The following CPD variants were observed in gnomAD, a reference collection of about 807,000 sequenced individuals.
CPD encodes the protein metallocarboxypeptidase D.
A neutral mutation model predicts 138.3 loss-of-function variants in CPD; 69 were observed. The observed-to-expected ratio is 0.50, with a 90% CI of 0.41 to 0.61. The LOEUF (loss-of-function observed/expected upper bound fraction) is 0.61, where lower values mean the gene tolerates loss of function less well. Ranked by LOEUF, CPD falls within the 20% of genes least tolerant of loss-of-function variation. The pLI, the probability that CPD is intolerant of heterozygous loss-of-function variation, is 0.00. For synonymous variants in CPD, 651 were observed against 642.1 expected, an observed-to-expected ratio of 1.01 and a Z score of -0.21; for missense variants, 1,432 against 1,733.3, an observed-to-expected ratio of 0.83 and a Z score of 3.09.
intron 11 of CPD, 137 bp downstream of exon 11, chr17:30,444,108 A>C (rs1406877996): frequency 2.7e-6 from 2 of 729,268 alleles, no homozygotes; most frequent in Non-Finnish European, 4.3e-6. Context: ...GGCTGGTTAT[A>C]CCTTTGACTC....
intron 17 of CPD, among the ~76,000 whole-genome samples, chr17:30,460,539 G>T (rs562870344): frequency 2.9e-4 from 44 of 152,284 alleles, no homozygotes; most frequent in Admixed American, 2.5e-3. Flanking sequence ...AGGTAGAATT[G>T]ACAAGATTCA....
chr17:30,406,012 A>G (rs2143368056), intron 2 of CPD, among the ~76,000 whole-genome samples: 1 of 152,102 alleles, frequency 6.6e-6, no homozygotes, highest in African/African-American at 2.4e-5. Context: ...CATCCTATAC[A>G]TTTTGTGATT....
At chr17:30,412,889 C>T (rs1361280679) in intron 2 of CPD, among the ~76,000 whole-genome samples, 1 of 152,242 alleles carries the variant, frequency 6.6e-6, no homozygotes, top group African/African-American at 2.4e-5. Context: ...GCTGCACCCA[C>T]TGTCCAACCA....
chr17:30,382,772 G>A (rs567581344), intron 1 of CPD, among the ~76,000 whole-genome samples: 1 of 152,272 alleles, frequency 6.6e-6, no homozygotes, highest in South Asian at 2.1e-4. Context: ...AATTAAAGTA[G>A]CATGCTTTAC....
intron 2 of CPD, among the ~76,000 whole-genome samples, chr17:30,406,942 C>A (rs1017515966): frequency 6.6e-6 from 1 of 152,094 alleles, no homozygotes; most frequent in Non-Finnish European, 1.5e-5. Flanking sequence ...TTAGGTATTT[C>A]TCCTAATGCT....
chr17:30,394,687 G>C (rs1911451482), intron 2 of CPD, among the ~76,000 whole-genome samples: 1 of 152,154 alleles, frequency 6.6e-6, no homozygotes, highest in Non-Finnish European at 1.5e-5. Flanking sequence ...GGGCATGTAG[G>C]GGAATGAAAA....
At chr17:30,462,344 A>G in intron 19 of CPD, 26 bp from the exon 20 acceptor site, 1 of 1,588,440 alleles carries the variant, frequency 6.3e-7, no homozygotes, top group Non-Finnish European at 8.6e-7. Context: ...AGAATTTGTC[A>G]TGATTCTTAC....
chr17:30,381,116 A>G (rs1463919725), intron 1 of CPD, among the ~76,000 whole-genome samples: 1 of 152,146 alleles, frequency 6.6e-6, no homozygotes, highest in African/African-American at 2.4e-5. Context: ...TCTCTTGTAG[A>G]TATATAATTT....
At chr17:30,412,325 A>G (rs1264169476) in intron 2 of CPD, among the ~76,000 whole-genome samples, 1 of 152,184 alleles carries the variant, frequency 6.6e-6, no homozygotes, top group African/African-American at 2.4e-5. Context: ...GTCAGTCTAC[A>G]TGGGATCAGG....
At chr17:30,463,342 TGA>T (rs774808111) in intron 20 of CPD, among the ~76,000 whole-genome samples, 2 of 152,228 alleles carry the variant, frequency 1.3e-5, no homozygotes, top group Non-Finnish European at 2.9e-5. Flanking sequence ...ACATAAGTTC[TGA>T]GAGAGGGAGG....
At position 30,443,960 on chromosome 17, in the gene CPD, A is replaced by C. The variant is rs1260158783; in HGVS notation, c.2532A>C (p.Ala844=). The part of the protein sequence containing the change: ...LLVPGTYKIT[A]SARGYNPVTK... ...TTCCAGGAACTTATAAAATCACAGCATCTGCTCGAGGGTGAGTGACTGAAT... is the reference window on the plus strand; with the variant it reads ...TTCCAGGAACTTATAAAATCACAGCCTCTGCTCGAGGGTGAGTGACTGAAT... The change falls in exon 11 of 21, where the codon GCA becomes GCC. Residue 844 remains alanine (A), a synonymous_variant. Transcript: ENST00000225719. The C allele has an allele frequency of 1.2e-6, 2 of 1,613,820 alleles. No homozygotes were observed.
In CPD at chr17:30,404,655, T is replaced by C. The variant is rs955650933; in HGVS notation, c.995-16186T>C. Among the ~76,000 whole-genome samples, 56 of 152,134 alleles carry C rather than the reference T, an allele frequency of 3.7e-4. 1 individual carries two copies. Among genetic ancestry groups the C allele is most frequent in the Non-Finnish European group, 1.5e-5 (1 of 67,992 alleles). Reference sequence around the variant, plus strand: ...GGTCATACCTATTTTAAAGATTTTATATTCATATTACTAAATTTTCACCCA... The same window carrying C: ...GGTCATACCTATTTTAAAGATTTTACATTCATATTACTAAATTTTCACCCA... On this transcript the variant is annotated intron_variant, in intron 2 of 20. Coordinates refer to ENST00000225719, the MANE Select transcript of CPD (RefSeq NM_001304.5).
chr17:30,461,411 T>C, intron 18 of CPD, 100 bp downstream of exon 18: 1 of 885,460 alleles, frequency 1.1e-6, no homozygotes, highest in Non-Finnish European at 1.5e-6. Context: ...ATATTATTTA[T>C]TTTAAATTTA....
Position 30,428,507 on chromosome 17 carries a change from G to A in CPD, c.2017+949G>A, listed in dbSNP as rs550228849. ...CCTTACAATGAATATTATTTGGCTC[G>A]AAAAGGAATCAAGTGCTGATACATG... On this transcript the variant is annotated intron_variant, in intron 7 of 20. Coordinates refer to ENST00000225719, the MANE Select transcript of CPD (RefSeq NM_001304.5). Among the ~76,000 whole-genome samples the A allele has an allele frequency of 8.5e-5, 13 of 152,224 alleles. No homozygotes were observed. In the South Asian group the frequency reaches 1.0e-3, roughly 12 times the overall value.
At chr17:30,438,024 T>G (rs954836036) in intron 8 of CPD, among the ~76,000 whole-genome samples, 4 of 147,092 alleles carry the variant, frequency 2.7e-5, no homozygotes, top group African/African-American at 5.1e-5. Context: ...TTTTTTTTTT[T>G]GTAGAGATGA....
chr17:30,437,563 T>C (rs1007902531), intron 8 of CPD, among the ~76,000 whole-genome samples: 1 of 152,008 alleles, frequency 6.6e-6, no homozygotes, highest in South Asian at 2.1e-4. Context: ...TGCATGCCTA[T>C]AGTCCCAGCT....
At chr17:30,443,513 G>T (rs1203969177) in intron 10 of CPD, among the ~76,000 whole-genome samples, 1 of 152,054 alleles carries the variant, frequency 6.6e-6, no homozygotes, top group African/African-American at 2.4e-5. Flanking sequence ...TTTTGAAAAG[G>T]CCAGGTCTGT....
chr17:30,390,764 T>C (rs1010223955), intron 2 of CPD, among the ~76,000 whole-genome samples: 1 of 152,110 alleles, frequency 6.6e-6, no homozygotes, highest in Admixed American at 6.5e-5. Flanking sequence ...GGCTGATGAA[T>C]AGCCACATCC....
At chr17:30,442,538 A>G in intron 10 of CPD, 88 bp downstream of exon 10, 1 of 1,237,580 alleles carries the variant, frequency 8.1e-7, no homozygotes, top group Non-Finnish European at 1.1e-6. Context: ...GTGATTTTGG[A>G]ATACACTCTT....
Sources: gnomAD v4.1 joint callset for allele counts (sites outside exome capture counted in the v4.1 genomes callset) on GRCh38, gnomAD v4.1.1 for gene constraint, MANE v1.5 for transcripts, NCBI Gene and HGNC (gene_info 2026-07-23, HGNC 2026-07-21) for gene names.